KSR2: variants seen among roughly 807,000 people sequenced by gnomAD.
The protein encoded by KSR2 is kinase suppressor of ras 2.
Under a neutral mutation model 107.8 loss-of-function variants are expected in KSR2, and 25 were observed. The observed-to-expected ratio is 0.23, with a 90% CI of 0.17 to 0.32. KSR2 has a LOEUF of 0.32. KSR2 is among the 10% of genes least tolerant of loss of function. The probability of loss-of-function intolerance (pLI) is 1.00; values close to 1 mark genes in which losing one functional copy is unlikely to be tolerated. For missense variants in KSR2, 887 were observed against 1,268.9 expected, an observed-to-expected ratio of 0.70 and a Z score of 4.57; for synonymous variants, 480 against 507.0, an observed-to-expected ratio of 0.95 and a Z score of 0.71.
At chr12:117,701,060 A>C (rs1408091053) in intron 4 of KSR2, among the ~76,000 whole-genome samples, 1 of 152,204 alleles carries the variant, frequency 6.6e-6, no homozygotes, top group African/African-American at 2.4e-5. Flanking sequence ...CTCCATCTGC[A>C]CAATAGGAGG....
intron 5 of KSR2, among the ~76,000 whole-genome samples, chr12:117,659,167 G>T (rs1435468949): frequency 6.6e-6 from 1 of 152,156 alleles, no homozygotes; most frequent in Non-Finnish European, 1.5e-5. Context: ...GTACCTGACC[G>T]AGGATCAGGA....
Position 117,582,332 on chromosome 12 carries a change from G to GA in KSR2, c.1198_1199insT (p.Pro400LeufsTer40). The GA allele has an allele frequency of 6.2e-7, 1 of 1,613,736 alleles. No homozygotes were observed. Reference sequence around the variant, plus strand: ...GCCGAGATCTCTGCGAGGGATCTGCGGGGACCAGCGTGGCACTGACAGTGT... The same window carrying GA: ...GCCGAGATCTCTGCGAGGGATCTGCGAGGGACCAGCGTGGCACTGACAGTGT... On this transcript the variant is annotated frameshift_variant, in exon 6 of 20. Transcript: ENST00000339824. LOFTEE classifies it high-confidence loss of function.
chr12:117,886,268 T>C (rs1364936207), intron 1 of KSR2, among the ~76,000 whole-genome samples: 3 of 150,940 alleles, frequency 2.0e-5, no homozygotes, highest in Non-Finnish European at 2.9e-5. Context: ...TATATAGCTA[T>C]AAATATATGT....
At chr12:117,859,751 C>T (rs1893226666) in intron 2 of KSR2, among the ~76,000 whole-genome samples, 1 of 152,182 alleles carries the variant, frequency 6.6e-6, no homozygotes, top group Admixed American at 6.5e-5. Context: ...GCCACTGCGC[C>T]CAGCTGAGTT....
At position 117,466,853 on chromosome 12, in the gene KSR2, GC is replaced by G. The variant is rs1258410363; in HGVS notation, c.*345del. ...CACACACACATAGCCCCGTCTGTGA[GC>G]CCCCCCACGTGGGGTCTCCTGTCCT... On this transcript the variant is annotated 3_prime_UTR_variant, in exon 20 of 20. Transcript: ENST00000339824. 6.9e-6 allele frequency: 2 copies of G among 291,104 alleles called. No homozygotes were observed. The highest frequency in any genetic ancestry group is 5.2e-5 in the Admixed American group (1 of 19,240). The allele number at this position is 291,104 out of a possible 1,614,324, so 18.0% of individuals were successfully genotyped here.
chr12:117,936,157 T>A (rs1895830315), intron 1 of KSR2, among the ~76,000 whole-genome samples: 1 of 151,970 alleles, frequency 6.6e-6, no homozygotes, highest in South Asian at 2.1e-4. Context: ...CACCTCAGCC[T>A]CCTGAGTAGT....
chr12:117,633,884 C>G (rs542643539), intron 5 of KSR2, among the ~76,000 whole-genome samples: 188 of 152,308 alleles, frequency 1.2e-3, no homozygotes, highest in African/African-American at 4.3e-3. Context: ...CTCCTCCAGA[C>G]ATGCCCCAGT....
chr12:117,955,702 C>T (rs1896489715), intron 1 of KSR2, among the ~76,000 whole-genome samples: 1 of 151,994 alleles, frequency 6.6e-6, no homozygotes, highest in East Asian at 1.9e-4. Context: ...CCTGGTAACT[C>T]TCGGGGGATC....
chr12:117,876,616 G>T (rs11068709), intron 1 of KSR2, among the ~76,000 whole-genome samples: 2 of 152,042 alleles, frequency 1.3e-5, no homozygotes, highest in Admixed American at 6.6e-5. Context: ...TTCCTTACAC[G>T]ATCCTTATAA....
intron 1 of KSR2, among the ~76,000 whole-genome samples, chr12:117,945,668 C>T (rs1272613006): frequency 4.6e-5 from 7 of 151,910 alleles, no homozygotes; most frequent in African/African-American, 1.5e-4. Flanking sequence ...AGTGAGACTC[C>T]GTCTCCAAAA....
chr12:117,727,825 G>T (rs969860440), intron 4 of KSR2, among the ~76,000 whole-genome samples: 2 of 152,022 alleles, frequency 1.3e-5, no homozygotes, highest in Non-Finnish European at 2.9e-5. Flanking sequence ...AAATGAGAAT[G>T]GACCAATAAA....
chr12:117,730,008 A>C (rs1282872488), intron 4 of KSR2, among the ~76,000 whole-genome samples: 2 of 152,236 alleles, frequency 1.3e-5, no homozygotes, highest in Non-Finnish European at 2.9e-5. Flanking sequence ...ACAATTTCCG[A>C]AAGGGCCAAA....
At chr12:117,725,783 T>C (rs1376352826) in intron 4 of KSR2, among the ~76,000 whole-genome samples, 1 of 151,854 alleles carries the variant, frequency 6.6e-6, no homozygotes, top group Non-Finnish European at 1.5e-5. Flanking sequence ...CTGTCTCTAC[T>C]AAAAAATACA....
At chr12:117,836,671 T>A (rs900040694) in intron 3 of KSR2, among the ~76,000 whole-genome samples, 8 of 152,234 alleles carry the variant, frequency 5.3e-5, no homozygotes, top group African/African-American at 1.9e-4. Flanking sequence ...CCAGGGCAGC[T>A]GAATGACGCA....
chr12:117,748,561 T>C (rs1010717759), intron 4 of KSR2, among the ~76,000 whole-genome samples: 4 of 150,038 alleles, frequency 2.7e-5, no homozygotes, highest in Admixed American at 1.3e-4. Context: ...TCCATAAATA[T>C]GTACAGTTAT....
chr12:117,842,090 T>G lies in KSR2; in HGVS notation c.472+13338A>C, dbSNP rs981759925. Among the ~76,000 whole-genome samples the G allele has an allele frequency of 6.6e-6, 1 of 152,236 alleles. No homozygotes were observed. The highest frequency in any genetic ancestry group is 1.5e-5 in the Non-Finnish European group (1 of 68,050). On this transcript the variant is annotated intron_variant, in intron 3 of 19. Transcript: ENST00000339824. The surrounding 1 kb of genome is among the most constrained non-coding windows in gnomAD (Gnocchi z 4.2). Reference sequence around the variant, plus strand: ...CCAGCGTCGCCTGGGAACTTGTTAATGCAGATTTCTGGGCACTGCCCCGGA... The same window carrying G: ...CCAGCGTCGCCTGGGAACTTGTTAAGGCAGATTTCTGGGCACTGCCCCGGA...
rs2137479683 is a variant in KSR2, at chr12:117,926,595, C to G, written c.180+41481G>C. Among the ~76,000 whole-genome samples, 3 of 152,354 alleles carry G rather than the reference C, an allele frequency of 2.0e-5. No homozygotes were observed. In the Middle Eastern group the frequency reaches 0.01, roughly 522 times the overall value. On this transcript the variant is annotated intron_variant, in intron 1 of 19. Coordinates refer to ENST00000339824, the MANE Select transcript of KSR2 (RefSeq NM_173598.6). ...GCACTTTGGAAGTTTCTCTAAAGATCCATTCTCCTTGTCATATGTTTGCAT... is the reference window on the plus strand; with the variant it reads ...GCACTTTGGAAGTTTCTCTAAAGATGCATTCTCCTTGTCATATGTTTGCAT...
rs1871104346 is a variant in KSR2 at position 117,465,548 on chromosome 12, T to C, written c.*1651A>G. 6.6e-6 allele frequency: 1 copy of C among 152,190 alleles called. No homozygotes were observed. The highest frequency in any genetic ancestry group is 2.4e-5 in the African/African-American group (1 of 41,438). The allele number at this position is 152,190 out of a possible 1,614,324, so 9.4% of individuals were successfully genotyped here. The stretch of plus-strand genomic sequence containing the variant: ...GTTTGGCCCCCAGAGCATGAACCAG[T>C]CTGGGAGTCACCCAAGGTGGGGAAG... On this transcript the variant is annotated 3_prime_UTR_variant, in exon 20 of 20. Coordinates refer to ENST00000339824, the MANE Select transcript of KSR2 (RefSeq NM_173598.6).
intron 4 of KSR2, among the ~76,000 whole-genome samples, chr12:117,758,541 T>C (rs1177355875): frequency 6.6e-6 from 1 of 152,066 alleles, no homozygotes; most frequent in Non-Finnish European, 1.5e-5. Flanking sequence ...CTTGAGGAAG[T>C]GATGAGCTTG....
Sources: gnomAD v4.1 joint callset for allele counts (sites outside exome capture counted in the v4.1 genomes callset) on GRCh38, gnomAD v4.1.1 for gene constraint, Gnocchi (gnomAD v3.1) non-coding constraint, MANE v1.5 for transcripts, NCBI Gene and HGNC (gene_info 2026-07-23, HGNC 2026-07-21) for gene names.